The following TACR3 variants were observed in gnomAD, a reference collection of about 807,000 sequenced individuals.
TACR3 encodes the protein neuromedin-K receptor.
TACR3 carries 34 observed loss-of-function variants against 35.0 expected under a neutral mutation model. The observed-to-expected ratio is 0.97, with a 90% CI of 0.74 to 1.30. TACR3 has a LOEUF of 1.30. Among genes scored for constraint, TACR3 ranks in the 50% most tolerant of loss-of-function variants. The probability of loss-of-function intolerance (pLI) is 0.00; values close to 1 mark genes in which losing one functional copy is unlikely to be tolerated. For synonymous variants in TACR3, 233 were observed against 221.1 expected, an observed-to-expected ratio of 1.05 and a Z score of -0.48; for missense variants, 558 against 591.7, an observed-to-expected ratio of 0.94 and a Z score of 0.59.
chr4:103,680,951 TGTTAA>T (rs1040093964), intron 1 of TACR3, among the ~76,000 whole-genome samples: 16 of 152,096 alleles, frequency 1.1e-4, no homozygotes, highest in South Asian at 2.1e-4. Context: ...GTTTTATTTC[TGTTAA>T]GTTATTTTTT....
chr4:103,716,121 G>T (rs915264918), intron 1 of TACR3, among the ~76,000 whole-genome samples: 10 of 151,984 alleles, frequency 6.6e-5, no homozygotes, highest in African/African-American at 2.4e-4. Flanking sequence ...CATCTTTGAG[G>T]CAAGTGTTAC....
intron 3 of TACR3, among the ~76,000 whole-genome samples, chr4:103,627,593 ACTAT>A (rs1724933401): frequency 6.6e-6 from 1 of 152,144 alleles, no homozygotes; most frequent in South Asian, 2.1e-4. Context: ...AGAAGAGCTA[ACTAT>A]CCTAAATATA....
chr4:103,702,812 A>T (rs1262715866), intron 1 of TACR3, among the ~76,000 whole-genome samples: 2 of 150,110 alleles, frequency 1.3e-5, no homozygotes, highest in African/African-American at 4.9e-5. Context: ...CAAAAAACCA[A>T]ACATCACATG....
intron 1 of TACR3, among the ~76,000 whole-genome samples, chr4:103,659,896 C>T (rs1725803714): frequency 6.6e-6 from 1 of 152,068 alleles, no homozygotes; most frequent in Admixed American, 6.6e-5. Context: ...ATGTACCAAA[C>T]AAATTAGCTT....
intron 3 of TACR3, among the ~76,000 whole-genome samples, chr4:103,642,148 T>G (rs1485901469): frequency 6.6e-6 from 1 of 151,512 alleles, no homozygotes; most frequent in African/African-American, 2.4e-5. Context: ...AAAAGATAAA[T>G]ATGTGAGGTG....
intron 1 of TACR3, among the ~76,000 whole-genome samples, chr4:103,672,189 A>G (rs906579620): frequency 6.6e-6 from 1 of 152,058 alleles, no homozygotes; most frequent in Non-Finnish European, 1.5e-5. Context: ...TTTCCACTAC[A>G]ACTGCAGTTA....
At chr4:103,662,474 C>G (rs540644619) in intron 1 of TACR3, among the ~76,000 whole-genome samples, 24 of 152,258 alleles carry the variant, frequency 1.6e-4, no homozygotes, top group African/African-American at 5.3e-4. Context: ...CCTGCCTCAG[C>G]CTCCCAAAGT....
At chr4:103,601,711 G>A (rs915817323) in intron 3 of TACR3, among the ~76,000 whole-genome samples, 1 of 152,112 alleles carries the variant, frequency 6.6e-6, no homozygotes, top group African/African-American at 2.4e-5. Flanking sequence ...TTGAATATTG[G>A]TCTCCACTCT....
At chr4:103,604,836 T>A (rs1282981336) in intron 3 of TACR3, among the ~76,000 whole-genome samples, 1 of 148,512 alleles carries the variant, frequency 6.7e-6, no homozygotes, top group Non-Finnish European at 1.5e-5. Flanking sequence ...TTTTTTTTCT[T>A]TTTATTATTA....
intron 1 of TACR3, among the ~76,000 whole-genome samples, chr4:103,701,334 A>C (rs1187342720): frequency 6.1e-4 from 93 of 151,808 alleles, no homozygotes; most frequent in African/African-American, 2.0e-3. Context: ...TAGGAATCCA[A>C]CTTACAAGGG....
At position 103,650,732 on chromosome 4, in the gene TACR3, TTATATCATA is replaced by T. The variant is rs1560822102; in HGVS notation, c.888+5453_888+5461del. Among the ~76,000 whole-genome samples the T allele has an allele frequency of 2.0e-3, 71 of 35,376 alleles. 2 individuals carry two copies. The African/African-American group carries it at 0.025, about 12-fold the overall frequency. 23.2% of individuals were successfully genotyped at this position (35,376 alleles called of 152,430 possible). ...ATAAATATATATAAATAAATATATA[TTATATCATA>T]TATAATATATATATTATATATGATG... is the stretch of plus-strand genomic sequence containing the variant. On this transcript the variant is annotated intron_variant, in intron 3 of 4. Transcript: ENST00000304883.
At chr4:103,669,042 C>T (rs1182679432) in intron 1 of TACR3, among the ~76,000 whole-genome samples, 1 of 151,846 alleles carries the variant, frequency 6.6e-6, no homozygotes, top group Admixed American at 6.6e-5. Context: ...TTTTTAGTTC[C>T]AAGTATGAGT....
rs1035232929 is a variant in TACR3 at position 103,598,772 on chromosome 4, G to A, written c.889-7089C>T. Among the ~76,000 whole-genome samples the A allele has an allele frequency of 3.9e-4, 60 of 152,134 alleles. 1 individual carries two copies. Among genetic ancestry groups the A allele is most frequent in the African/African-American group, 1.2e-3 (51 of 41,492 alleles). On this transcript the variant is annotated intron_variant, in intron 3 of 4. Transcript: ENST00000304883. Reference sequence around the variant, plus strand: ...AAAGATCAGATATTTGTAGATATGCGGCATTATTTCTGAGGGCTCTGTTCT... The same window carrying A: ...AAAGATCAGATATTTGTAGATATGCAGCATTATTTCTGAGGGCTCTGTTCT...
intron 3 of TACR3, among the ~76,000 whole-genome samples, chr4:103,636,380 T>C (rs1725190520): frequency 6.6e-6 from 1 of 152,022 alleles, no homozygotes; most frequent in African/African-American, 2.4e-5. Context: ...TTTCTGAGAA[T>C]TAATTTTTAA....
At chr4:103,641,367 T>C (rs1725352708) in intron 3 of TACR3, among the ~76,000 whole-genome samples, 1 of 151,972 alleles carries the variant, frequency 6.6e-6, no homozygotes, top group African/African-American at 2.4e-5. Context: ...TTTTGATATA[T>C]GAAAAAATGT....
rs145523959 is a variant in TACR3 at position 103,719,520 on chromosome 4, G to T, written c.156C>A (p.Ser52=). ...GCAGTCCCAGCGCGGAAGGGGAGGA[G>T]GAGAGGTTGCCAGCTTGGTCCAGCA... is the stretch of plus-strand genomic sequence containing the variant. ...LQLLDQAGNL[S]SSPSALGLPV... The change falls in exon 1 of 5, where the codon TCC becomes TCA. Residue 52 remains serine (S), a synonymous_variant. Coordinates refer to ENST00000304883, the MANE Select transcript of TACR3 (RefSeq NM_001059.3). The T allele has an allele frequency of 9.9e-5, 160 of 1,609,438 alleles. No homozygotes were observed. Among genetic ancestry groups the T allele is most frequent in the Non-Finnish European group, 1.3e-4 (152 of 1,176,380 alleles).
chr4:103,638,846 T>C (rs957215740), intron 3 of TACR3, among the ~76,000 whole-genome samples: 17 of 152,068 alleles, frequency 1.1e-4, no homozygotes, highest in African/African-American at 1.7e-4. Context: ...AAAATGCTCA[T>C]CATCACTGGC....
At chr4:103,707,471 A>G (rs1389564782) in intron 1 of TACR3, among the ~76,000 whole-genome samples, 1 of 151,874 alleles carries the variant, frequency 6.6e-6, no homozygotes, top group Non-Finnish European at 1.5e-5. Context: ...TTGTCTGTTC[A>G]TTGTATAGAT....
intron 1 of TACR3, among the ~76,000 whole-genome samples, chr4:103,673,683 T>C (rs75038194): frequency 0.023 from 3,541 of 152,102 alleles, 72 homozygotes; most frequent in African/African-American, 0.056. Flanking sequence ...ACCAGCAAAA[T>C]GGCACCAATA....
Sources: allele counts gnomAD v4.1 joint callset (sites outside exome capture counted in the v4.1 genomes callset), GRCh38; gene constraint gnomAD v4.1.1; transcripts MANE v1.5; gene names NCBI Gene and HGNC (gene_info 2026-07-23, HGNC 2026-07-21).